Variants in TTC22 observed in about 807,000 individuals in gnomAD.
The protein encoded by TTC22 is tetratricopeptide repeat domain 22.
Under a neutral mutation model 48.2 loss-of-function variants are expected in TTC22, and 42 were observed. The ratio of observed to expected loss-of-function variants is 0.87; its 90% confidence interval spans 0.68 to 1.13. The LOEUF (loss-of-function observed/expected upper bound fraction) is 1.13, where lower values mean the gene tolerates loss of function less well. Among genes scored for constraint, TTC22 ranks in the 50% most tolerant of loss-of-function variants. TTC22 has a pLI of 0.00. For missense variants in TTC22, 784 were observed against 807.0 expected (o/e 0.97, Z 0.34); for synonymous variants, 345 against 365.5 (o/e 0.94, Z 0.64).
intron 1 of TTC22, among the ~76,000 whole-genome samples, chr1:54,789,310 G>A (rs1646331895): frequency 6.6e-6 from 1 of 152,210 alleles, no homozygotes; most frequent in South Asian, 2.1e-4. Context: ...CTTAAGGAGG[G>A]TCTTGGGTCA....
chr1:54,795,266 G>C (rs1178382951), intron 1 of TTC22, among the ~76,000 whole-genome samples: 1 of 152,254 alleles, frequency 6.6e-6, no homozygotes, highest in Non-Finnish European at 1.5e-5. Context: ...CATGTTGGCT[G>C]AGGTGGTATG....
rs1646264909 is a variant in TTC22, at chr1:54,781,730, T to G, written c.1223A>C (p.Asp408Ala). 2 of 1,513,162 alleles carry G rather than the reference T, an allele frequency of 1.3e-6. No homozygotes were observed. The highest frequency in any genetic ancestry group is 2.1e-5 in the Admixed American group (1 of 48,396). 93.7% of individuals were successfully genotyped at this position (1,513,162 alleles called of 1,614,324 possible). A position where few individuals can be genotyped will look rare whatever the true frequency, so the allele number is the denominator to read the frequency against. ...VDAVQELLAV[D>A]EAALNQALVF... ...CAGCGCCTGGTTCAGCGCCGCCTCG[T>G]CCACCGCCAGCAGCTCCTGCACCGC... Residue 408 changes from aspartate to alanine, a missense_variant, in exon 7 of 7, where the codon GAC becomes GCC. Asp to Ala is a moderately radical substitution (Grantham distance 126, BLOSUM62 -2). Coordinates refer to ENST00000371276, the MANE Select transcript of TTC22 (RefSeq NM_001114108.2).
At chr1:54,785,487 G>A (rs908661115) in intron 5 of TTC22, 3 of 433,820 alleles carry the variant, frequency 6.9e-6, no homozygotes, top group African/African-American at 2.1e-5. Flanking sequence ...GATTCCTGCA[G>A]TGAGTGGAGG....
At chr1:54,793,240 G>A (rs545876781) in intron 1 of TTC22, among the ~76,000 whole-genome samples, 2 of 152,306 alleles carry the variant, frequency 1.3e-5, no homozygotes, top group East Asian at 1.9e-4. Flanking sequence ...GGAACTAGGC[G>A]AGGCCCATGT....
rs1215907688 is a variant in TTC22, at chr1:54,781,763, C to G, written c.1190G>C (p.Gly397Ala). The change falls in exon 7 of 7, where the codon GGC becomes GCC. Residue 397 changes from glycine (G) to alanine (A), a missense_variant. Coordinates refer to ENST00000371276, the MANE Select transcript of TTC22 (RefSeq NM_001114108.2). ...LDIGQVYYYM[G>A]VDAVQELLAV... ...CAGCAGCTCCTGCACCGCGTCCACG[C>G]CCATATAGTAGTAGACCTGGGGTCG... 3.4e-6 allele frequency: 5 copies of G among 1,467,064 alleles called. No individual in the cohort carries two copies. Among genetic ancestry groups the G allele is most frequent in the Non-Finnish European group, 4.5e-6 (5 of 1,111,838 alleles). 90.9% of individuals were successfully genotyped at this position (1,467,064 alleles called of 1,614,324 possible).
At chr1:54,788,119 C>T in intron 1 of TTC22, 22 bp from the exon 2 acceptor site, 1 of 1,612,520 alleles carries the variant, frequency 6.2e-7, no homozygotes, top group Non-Finnish European at 8.5e-7. Flanking sequence ...GAGAACAGCC[C>T]ACACTGCCAT....
chr1:54,789,642 G>T (rs1231462492), intron 1 of TTC22, among the ~76,000 whole-genome samples: 1 of 152,228 alleles, frequency 6.6e-6, no homozygotes, highest in Non-Finnish European at 1.5e-5. Context: ...TATCTTCTCT[G>T]TGTGGCTCTC....
At chr1:54,786,575 G>GT (rs1646303137) in intron 4 of TTC22, 2 of 244,364 alleles carry the variant, frequency 8.2e-6, no homozygotes, top group African/African-American at 4.5e-5. Context: ...CCTGTTGTAA[G>GT]TGACTTGCCT....
Position 54,800,876 on chromosome 1 carries a change from G to T in TTC22, c.288C>A (p.His96Gln). The T allele has an allele frequency of 6.2e-7, 1 of 1,610,662 alleles. No homozygotes were observed. Among genetic ancestry groups the T allele is most frequent in the South Asian group, 1.1e-5 (1 of 90,814 alleles). The change falls in exon 1 of 7, where the codon CAC becomes CAA. Residue 96 changes from histidine to glutamine, a missense_variant. Coordinates refer to ENST00000371276, the MANE Select transcript of TTC22 (RefSeq NM_001114108.2). ...RECFLEVAHEHPGNLNAWANL... is the reference protein window; with the variant it reads ...RECFLEVAHEQPGNLNAWANL... Reference sequence around the variant, plus strand: ...TGGCCCAGGCATTGAGGTTGCCCGGGTGCTCGTGGGCCACCTCGAGGAAGC... The same window carrying T: ...TGGCCCAGGCATTGAGGTTGCCCGGTTGCTCGTGGGCCACCTCGAGGAAGC...
At chr1:54,783,421 T>C (rs115792769) in intron 5 of TTC22, among the ~76,000 whole-genome samples, 1 of 152,226 alleles carries the variant, frequency 6.6e-6, no homozygotes, top group Non-Finnish European at 1.5e-5. Flanking sequence ...GGAATTACCA[T>C]GATGTCTGAA....
At chr1:54,796,545 G>A (rs1446796713) in intron 1 of TTC22, among the ~76,000 whole-genome samples, 5 of 152,232 alleles carry the variant, frequency 3.3e-5, no homozygotes, top group East Asian at 1.9e-4. Context: ...CTCAGTGCCC[G>A]GTGCACAGAC....
In TTC22 at chr1:54,788,111, G is replaced by C; in HGVS notation, c.568-14C>G. Reference sequence around the variant, plus strand: ...CTCCATCGGGATCTAGGGAAACAGAGAACAGCCCACACTGCCATTACTGAG... The same window carrying C: ...CTCCATCGGGATCTAGGGAAACAGACAACAGCCCACACTGCCATTACTGAG... On this transcript the variant is annotated splice_polypyrimidine_tract_variant and intron_variant, in intron 1 of 6. Transcript: ENST00000371276. 1 of 1,613,580 alleles carries C rather than the reference G, an allele frequency of 6.2e-7. No homozygotes were observed. The highest frequency in any genetic ancestry group is 8.5e-7 in the Non-Finnish European group (1 of 1,179,546).
chr1:54,796,064 T>C (rs1433440205), intron 1 of TTC22, among the ~76,000 whole-genome samples: 5 of 152,258 alleles, frequency 3.3e-5, no homozygotes, highest in Non-Finnish European at 7.3e-5. Context: ...AGATAATCGA[T>C]GAAAAGCACT....
At chr1:54,791,568 C>T (rs952698679) in intron 1 of TTC22, among the ~76,000 whole-genome samples, 1 of 152,066 alleles carries the variant, frequency 6.6e-6, no homozygotes, top group Non-Finnish European at 1.5e-5. Flanking sequence ...TCCACTGTGG[C>T]GTGTTTCAGT....
chr1:54,782,616 G>A, intron 5 of TTC22, 139 bp from the exon 6 acceptor site: 1 of 914,634 alleles, frequency 1.1e-6, no homozygotes, highest in Middle Eastern at 2.5e-4. Context: ...CTGAGGCCAG[G>A]ACCCAGGAGT....
chr1:54,800,972 C>T lies in TTC22; in HGVS notation c.192G>A (p.Gln64=), dbSNP rs764951724. Residue 64 remains glutamine, a synonymous_variant, in exon 1 of 7, where the codon CAG becomes CAA. Coordinates refer to ENST00000371276, the MANE Select transcript of TTC22 (RefSeq NM_001114108.2). ...RQELQLAAAP[Q]RPAVRHLLGA... is the part of the protein sequence containing the mutation. The stretch of plus-strand genomic sequence containing the variant: ...CCAGGAGGTGACGCACAGCGGGGCG[C>T]TGCGGGGCGGCCGCCAGCTGGAGCT... 1 of 1,603,798 alleles carries T rather than the reference C, an allele frequency of 6.2e-7. No individual in the cohort carries two copies. Among genetic ancestry groups the T allele is most frequent in the South Asian group, 1.1e-5 (1 of 90,516 alleles).
At chr1:54,783,975 C>T (rs1050703697) in intron 5 of TTC22, among the ~76,000 whole-genome samples, 10 of 152,170 alleles carry the variant, frequency 6.6e-5, no homozygotes, top group African/African-American at 2.4e-4. Flanking sequence ...CCACTCCAGC[C>T]TGGGTGACAG....
At chr1:54,785,638 C>G (rs902961006) in intron 5 of TTC22, 4 of 409,770 alleles carry the variant, frequency 9.8e-6, no homozygotes, top group Non-Finnish European at 1.9e-5. Flanking sequence ...ATAGTGAGAC[C>G]TCGTCTCTAC....
chr1:54,796,493 C>T (rs880755), intron 1 of TTC22, among the ~76,000 whole-genome samples: 35,967 of 152,146 alleles, frequency 0.24, 4,332 homozygotes, highest in South Asian at 0.39. Context: ...TCTGTGAGGT[C>T]TGAATAAAAA....
Sources: gnomAD v4.1 joint callset for allele counts (sites outside exome capture counted in the v4.1 genomes callset) on GRCh38, gnomAD v4.1.1 for gene constraint, MANE v1.5 for transcripts, NCBI Gene and HGNC (gene_info 2026-07-23, HGNC 2026-07-21) for gene names.